Variants in HIPK2 observed in about 807,000 individuals in gnomAD.
HIPK2 encodes homeodomain-interacting protein kinase 2.
In HIPK2, 27 loss-of-function variants were observed where a neutral mutation model predicts 113.7. The observed-to-expected ratio is 0.24, with a 90% confidence interval of 0.17 to 0.33. HIPK2 has a LOEUF of 0.33. Among genes scored for constraint, HIPK2 ranks in the 10% least tolerant of loss-of-function variants. The probability of loss-of-function intolerance (pLI) is 1.00; values close to 1 mark genes in which losing one functional copy is unlikely to be tolerated. For missense variants in HIPK2, 1,257 were observed against 1,588.0 expected (o/e 0.79, Z 3.54); for synonymous variants, 631 against 642.2 (o/e 0.98, Z 0.26).
rs1311220312 is a variant in HIPK2 at position 139,570,193 on chromosome 7, T to G, written c.*2734A>C. The G allele has an allele frequency of 6.6e-6, 1 of 151,764 alleles. No individual in the cohort carries two copies. The highest frequency in any genetic ancestry group is 1.5e-5 in the Non-Finnish European group (1 of 68,008). 9.4% of individuals were successfully genotyped at this position (151,764 alleles called of 1,614,324 possible). A position where few individuals can be genotyped will look rare whatever the true frequency, so the allele number is the denominator to read the frequency against. On this transcript the variant is annotated 3_prime_UTR_variant, in exon 15 of 15. Coordinates refer to ENST00000406875, the MANE Select transcript of HIPK2 (RefSeq NM_022740.5). ...CTCATTTGCAGCCAAGACTTGGAACTCGGGATGAGACCTAATGGGCTATTG... is the reference window on the plus strand; with the variant it reads ...CTCATTTGCAGCCAAGACTTGGAACGCGGGATGAGACCTAATGGGCTATTG...
chr7:139,669,861 T>G (rs1281321000), intron 2 of HIPK2, among the ~76,000 whole-genome samples: 1 of 152,208 alleles, frequency 6.6e-6, no homozygotes, highest in African/African-American at 2.4e-5. Flanking sequence ...CATATGGCAA[T>G]GAGGTCAACA....
At chr7:139,584,168 G>C in intron 12 of HIPK2, 104 bp from the exon 13 acceptor site, 3 of 1,463,180 alleles carry the variant, frequency 2.1e-6, no homozygotes, top group Non-Finnish European at 2.7e-6. Flanking sequence ...AGAGGGGAGA[G>C]GGCAGGAACA....
chr7:139,753,192 T>TG (rs1796309103), intron 1 of HIPK2, among the ~76,000 whole-genome samples: 2 of 152,172 alleles, frequency 1.3e-5, no homozygotes, highest in South Asian at 4.1e-4. Flanking sequence ...AGGGAGGTGA[T>TG]GGAGACTGAG....
chr7:139,715,934 G>A lies in HIPK2; in HGVS notation c.1101C>T (p.Tyr367=). The A allele has an allele frequency of 1.2e-6, 2 of 1,613,542 alleles. No individual in the cohort carries two copies. The highest frequency in any genetic ancestry group is 2.2e-5 in the East Asian group (1 of 44,874). ...TGTCTCCTTGTGGACGGTCTTACCT[G>A]TAATATCTGGACTGCAAGTAGGTGG... ...VCSTYLQSRY[Y]RAPEIILGLP... The change falls in exon 2 of 15, where the codon TAC becomes TAT. Residue 367 remains tyrosine (Y), a splice_region_variant and synonymous_variant. Coordinates refer to ENST00000406875, the MANE Select transcript of HIPK2 (RefSeq NM_022740.5).
intron 2 of HIPK2, among the ~76,000 whole-genome samples, chr7:139,706,660 G>A (rs1050327488): frequency 2.6e-5 from 4 of 152,160 alleles, no homozygotes; most frequent in African/African-American, 9.7e-5. Context: ...TTCTATCTCA[G>A]AGCCCAGCCT....
intron 13 of HIPK2, among the ~76,000 whole-genome samples, chr7:139,582,394 G>A (rs1432759117): frequency 6.6e-6 from 1 of 152,228 alleles, no homozygotes; most frequent in South Asian, 2.1e-4. Context: ...GCTGCGTGCT[G>A]CTTGTGTGTC....
At chr7:139,579,133 G>A (rs11974162) in intron 13 of HIPK2, among the ~76,000 whole-genome samples, 7,250 of 152,298 alleles carry the variant, frequency 0.048, 354 homozygotes, top group African/African-American at 0.12. Context: ...TCGCCAAAAT[G>A]CGGTGCTATT....
intron 9 of HIPK2, 160 bp from the exon 10 acceptor site, chr7:139,604,383 T>TA (rs1799544638): frequency 1.9e-6 from 1 of 528,178 alleles, no homozygotes; most frequent in African/African-American, 2.1e-5. Context: ...TAAGGGGAGA[T>TA]AAACAATGAA....
intron 2 of HIPK2, among the ~76,000 whole-genome samples, chr7:139,641,904 G>A (rs962641326): frequency 6.6e-6 from 1 of 152,196 alleles, no homozygotes; most frequent in African/African-American, 2.4e-5. Flanking sequence ...CTGGAAAAAT[G>A]TTACTCAATT....
chr7:139,692,572 G>A (rs2116792870), intron 2 of HIPK2, among the ~76,000 whole-genome samples: 1 of 152,286 alleles, frequency 6.6e-6, no homozygotes, highest in African/African-American at 2.4e-5. Flanking sequence ...TGTAGAATTT[G>A]GGGTGGGGGA....
In HIPK2 at chr7:139,716,635, T is replaced by C. The variant is rs1189882332; in HGVS notation, c.400A>G (p.Lys134Glu). The change falls in exon 2 of 15, where the codon AAG becomes GAG. Residue 134 changes from lysine (K) to glutamate (E), a missense_variant. Physicochemically the swap from Lys to Glu is moderately conservative, Grantham distance 56 (BLOSUM62 1). This residue lies in a region of HIPK2 where 209 missense variants were observed against 237.8 expected (regional missense o/e 0.88). Transcript: ENST00000406875. The surrounding 1 kb of genome is among the most constrained non-coding windows in gnomAD (Gnocchi z 9.3). ...DTYQKCGLKRKSEEIENTSSV... is the reference protein window; with the variant it reads ...DTYQKCGLKRESEEIENTSSV... ...CTTGTGTTCTCGATCTCCTCGCTCTTACGCTTGAGTCCACATTTTTGGTAG... is the reference window on the plus strand; with the variant it reads ...CTTGTGTTCTCGATCTCCTCGCTCTCACGCTTGAGTCCACATTTTTGGTAG... 6.2e-7 allele frequency: 1 copy of C among 1,613,876 alleles called. No homozygotes were observed. Among genetic ancestry groups the C allele is most frequent in the Non-Finnish European group, 8.5e-7 (1 of 1,179,888 alleles).
rs1800838915 is a variant in HIPK2, at chr7:139,637,093, A to G, written c.1104-5368T>C. ...CTATCCACTAACATGGCCAGCTCCA[A>G]AGTCTCAAGTCAGCCCCTGATTCTC... On this transcript the variant is annotated intron_variant, in intron 2 of 14. Coordinates refer to ENST00000406875, the MANE Select transcript of HIPK2 (RefSeq NM_022740.5). Among the ~76,000 whole-genome samples the G allele has an allele frequency of 2.6e-5, 4 of 152,274 alleles. No homozygotes were observed. The South Asian group carries it at 6.2e-4, about 24-fold the overall frequency.
chr7:139,670,751 CTTTCTTTCTTTTTTTTT>C (rs1802246939), intron 2 of HIPK2, among the ~76,000 whole-genome samples: 1 of 58,986 alleles, frequency 1.7e-5, no homozygotes, highest in Admixed American at 2.0e-4. Context: ...TTCTTTCTTT[CTTTCTTTCTTTTTTTTT>C]TTTTTTTTTT....
chr7:139,759,035 T>C (rs1248224738), intron 1 of HIPK2, among the ~76,000 whole-genome samples: 2 of 151,474 alleles, frequency 1.3e-5, no homozygotes, highest in African/African-American at 4.9e-5. Flanking sequence ...CATGATCAAC[T>C]GGAAAAAAAA....
chr7:139,632,527 TAC>T (rs999651591), intron 2 of HIPK2, among the ~76,000 whole-genome samples: 1 of 152,236 alleles, frequency 6.6e-6, no homozygotes, highest in African/African-American at 2.4e-5. Flanking sequence ...CATTCATGAA[TAC>T]AGAGTCTGGT....
At chr7:139,708,511 C>T (rs1794973097) in intron 2 of HIPK2, among the ~76,000 whole-genome samples, 1 of 152,134 alleles carries the variant, frequency 6.6e-6, no homozygotes, top group African/African-American at 2.4e-5. Context: ...CCTTAGATCC[C>T]ACTTGGAAAA....
At chr7:139,680,370 C>A (rs201870303) in intron 2 of HIPK2, among the ~76,000 whole-genome samples, 1 of 152,350 alleles carries the variant, frequency 6.6e-6, no homozygotes, top group Admixed American at 6.5e-5. Flanking sequence ...GGAGAGCCCT[C>A]CCCTGGGTGA....
chr7:139,631,033 C>T lies in HIPK2; in HGVS notation c.1347+132G>A, dbSNP rs114807549. On this transcript the variant is annotated intron_variant, in intron 4 of 14. Coordinates refer to ENST00000406875, the MANE Select transcript of HIPK2 (RefSeq NM_022740.5). This position sits in a 1 kb window ranked among gnomAD's most constrained non-coding sequence, Gnocchi z 4.9. Reference sequence around the variant, plus strand: ...TTCTGAGCATTCAGATTCAGCCATACCATGTATTAACAACAGCACCCCCAG... The same window carrying T: ...TTCTGAGCATTCAGATTCAGCCATATCATGTATTAACAACAGCACCCCCAG... The T allele has an allele frequency of 4.7e-3, 5,750 of 1,215,960 alleles. 215 individuals are homozygous for T. The African/African-American group carries it at 0.079, about 17-fold the overall frequency. The allele number at this position is 1,215,960 out of a possible 1,614,324, so 75.3% of individuals were successfully genotyped here. A position where few individuals can be genotyped will look rare whatever the true frequency, so the allele number is the denominator to read the frequency against.
In HIPK2 at chr7:139,568,138, T is replaced by C; in HGVS notation, c.*4789A>G. The C allele has an allele frequency of 6.6e-6, 1 of 152,468 alleles. No homozygotes were observed. 9.4% of individuals were successfully genotyped at this position (152,468 alleles called of 1,614,324 possible). A position where few individuals can be genotyped will look rare whatever the true frequency, so the allele number is the denominator to read the frequency against. On this transcript the variant is annotated 3_prime_UTR_variant, in exon 15 of 15. Transcript: ENST00000406875. ...ATCGTTCTGTCAGCAGTTGGGCTAA[T>C]CTCCCCTTCCCTTCCTGATGTCCAT... is the stretch of plus-strand genomic sequence containing the variant.
Sources: gnomAD v4.1 joint callset for allele counts (sites outside exome capture counted in the v4.1 genomes callset) on GRCh38, gnomAD v4.1.1 for gene constraint, gnomAD v4.1.1 regional missense constraint, Gnocchi (gnomAD v3.1) non-coding constraint, MANE v1.5 for transcripts, NCBI Gene and HGNC (gene_info 2026-07-23, HGNC 2026-07-21) for gene names.